Variants in ABCB4 observed in about 807,000 individuals in gnomAD.
The protein encoded by ABCB4 is phosphatidylcholine translocator ABCB4.
Under a neutral mutation model 145.7 loss-of-function variants are expected in ABCB4, and 76 were observed. The observed-to-expected ratio is 0.52, with a 90% CI of 0.43 to 0.63. ABCB4 has a LOEUF of 0.63. Ranked by LOEUF, ABCB4 falls within the 30% of genes least tolerant of loss-of-function variation. ABCB4 has a pLI of 0.00. For synonymous variants in ABCB4, 517 were observed against 566.8 expected (o/e 0.91, Z 1.25); for missense variants, 1,234 against 1,553.1 (o/e 0.79, Z 3.45).
At chr7:87,382,911 C>T in the ABCB4 span, among the ~76,000 whole-genome samples, 4 of 152,198 alleles carry the variant, frequency 2.6e-5, no homozygotes, top group African/African-American at 4.8e-5. Flanking sequence ...AGAATAGGAG[C>T]GACATTAATT....
intron 14 of ABCB4, among the ~76,000 whole-genome samples, chr7:87,432,972 G>GCTACAGCAATTAAAATAGTAAAAC (rs1810347100): frequency 6.6e-6 from 1 of 152,114 alleles, no homozygotes; most frequent in South Asian, 2.1e-4. Context: ...CATATAAAAA[G>GCTACAGCAATTAAAATAGTAAAAC]CTACAGCAAT....
intron 15 of ABCB4, among the ~76,000 whole-genome samples, chr7:87,427,269 T>C (rs1809902688): frequency 1.3e-5 from 2 of 150,992 alleles, no homozygotes; most frequent in African/African-American, 2.4e-5. Flanking sequence ...GAAGACTACA[T>C]GGAAACACTA....
chr7:87,395,569 A>T, the ABCB4 span, among the ~76,000 whole-genome samples: 1 of 152,204 alleles, frequency 6.6e-6, no homozygotes, highest in Non-Finnish European at 1.5e-5. Context: ...TTGTCTGTAA[A>T]GCTGTTAACT....
the ABCB4 span, chr7:87,391,759 C>G: frequency 7.0e-6 from 11 of 1,577,306 alleles, no homozygotes; most frequent in Non-Finnish European, 9.4e-6. Context: ...TTTAATTGTT[C>G]TAAAGGAACC....
the ABCB4 span, among the ~76,000 whole-genome samples, chr7:87,380,661 A>G: frequency 6.6e-6 from 1 of 152,228 alleles, no homozygotes; most frequent in Non-Finnish European, 1.5e-5. Context: ...GGAATTTTAT[A>G]TATTTTCTAC....
chr7:87,392,515 G>T, the ABCB4 span: 8 of 1,424,108 alleles, frequency 5.6e-6, no homozygotes, highest in Admixed American at 9.4e-5. Flanking sequence ...TTTTTTTCTA[G>T]TTGGGTTTTG....
chr7:87,426,753 T>G lies in ABCB4; in HGVS notation c.2061A>C (p.Gly687=). ...ATTTAAGTGAAAAACAACTTACAAG[T>G]CCATCGGTTTCCACATCAAGGCTCT... ...CQKSLDVETD[G]LEANVPPVSF... The change falls in exon 16 of 28, where the codon GGA becomes GGC. Residue 687 remains glycine, a synonymous_variant. Coordinates refer to ENST00000649586, the MANE Select transcript of ABCB4 (RefSeq NM_000443.4). 5 of 1,613,736 alleles carry G rather than the reference T, an allele frequency of 3.1e-6. No homozygotes were observed. Among genetic ancestry groups the G allele is most frequent in the Non-Finnish European group, 4.2e-6 (5 of 1,179,686 alleles).
intron 3 of ABCB4, among the ~76,000 whole-genome samples, chr7:87,465,312 G>A (rs1812788760): frequency 6.6e-6 from 1 of 152,218 alleles, no homozygotes; most frequent in Non-Finnish European, 1.5e-5. Flanking sequence ...CTGCAAGGTG[G>A]CAGCGAGGCT....
Position 87,439,844 on chromosome 7 carries a change from C to G in ABCB4, c.1561-7G>C. On this transcript the variant is annotated splice_polypyrimidine_tract_variant and splice_region_variant and intron_variant, in intron 13 of 27. Coordinates refer to ENST00000649586, the MANE Select transcript of ABCB4 (RefSeq NM_000443.4). ...CAACCAGGGTGTCAAATTTCTAACA[C>G]AGAAAACATGGATCAGCTCTTGAAG... 1 of 1,614,126 alleles carries G rather than the reference C, an allele frequency of 6.2e-7. No individual in the cohort carries two copies. Among genetic ancestry groups the G allele is most frequent in the Non-Finnish European group, 8.5e-7 (1 of 1,180,016 alleles).
chr7:87,427,272 A>C (rs755030809), intron 15 of ABCB4, among the ~76,000 whole-genome samples: 13 of 152,064 alleles, frequency 8.5e-5, no homozygotes, highest in Non-Finnish European at 1.5e-4. Context: ...GACTACATGG[A>C]AACACTAACA....
At chr7:87,380,569 T>A in the ABCB4 span, among the ~76,000 whole-genome samples, 1 of 152,196 alleles carries the variant, frequency 6.6e-6, no homozygotes, top group Non-Finnish European at 1.5e-5. Context: ...TTAAACACTA[T>A]GTAAATACAT....
intron 25 of ABCB4, among the ~76,000 whole-genome samples, chr7:87,407,550 C>T (rs1808289400): frequency 6.6e-6 from 1 of 152,186 alleles, no homozygotes; most frequent in Non-Finnish European, 1.5e-5. Context: ...CACGGGGCTA[C>T]ATGCTAGAAA....
At chr7:87,471,599 C>T (rs1343842898) in intron 3 of ABCB4, among the ~76,000 whole-genome samples, 1 of 152,084 alleles carries the variant, frequency 6.6e-6, no homozygotes, top group Non-Finnish European at 1.5e-5. Flanking sequence ...TCTTTTTATC[C>T]ATTTAATTAC....
chr7:87,391,280 T>C, the ABCB4 span, among the ~76,000 whole-genome samples: 1 of 152,228 alleles, frequency 6.6e-6, no homozygotes, highest in Non-Finnish European at 1.5e-5. Context: ...AGTCACTGTC[T>C]AGCCTGCGCT....
rs1811836045 is a variant in ABCB4 at position 87,452,809 on chromosome 7, G to A, written c.536+135C>T. The A allele has an allele frequency of 6.9e-6, 7 of 1,021,540 alleles. No homozygotes were observed. In the East Asian group the frequency reaches 1.5e-4, roughly 23 times the overall value. The allele number at this position is 1,021,540 out of a possible 1,614,324, so 63.3% of individuals were successfully genotyped here. On this transcript the variant is annotated intron_variant, in intron 6 of 27. Transcript: ENST00000649586. The stretch of plus-strand genomic sequence containing the variant: ...TAGGCTATAGATGCTGCTAGACATG[G>A]CTGCCAGATGATCGATTTCTAATAT...
intron 3 of ABCB4, among the ~76,000 whole-genome samples, chr7:87,467,790 C>T (rs1046166987): frequency 2.0e-5 from 3 of 152,106 alleles, no homozygotes; most frequent in African/African-American, 7.2e-5. Context: ...TGCTCCTGAA[C>T]GACTACTGGG....
intron 22 of ABCB4, among the ~76,000 whole-genome samples, chr7:87,413,292 C>A (rs912673989): frequency 5.9e-5 from 9 of 152,226 alleles, no homozygotes; most frequent in African/African-American, 1.9e-4. Context: ...AAGGTTTGAG[C>A]AATTCCTTAA....
In ABCB4 at chr7:87,449,981, T is replaced by G; in HGVS notation, c.820A>C (p.Lys274Gln). 6.2e-7 allele frequency: 1 copy of G among 1,614,160 alleles called. No homozygotes were observed. Among genetic ancestry groups the G allele is most frequent in the Non-Finnish European group, 8.5e-7 (1 of 1,180,016 alleles). The part of the protein sequence containing the change: ...RTVIAFGGQN[K>Q]ELERYQKHLE... ...AACCTTCCTGACCTTTCCAGCTCTTTGTTCTGGCCCCCGAAAGCTATCACA... is the reference window on the plus strand; with the variant it reads ...AACCTTCCTGACCTTTCCAGCTCTTGGTTCTGGCCCCCGAAAGCTATCACA... The change falls in exon 8 of 28, where the codon AAA becomes CAA. Residue 274 changes from lysine (K) to glutamine (Q), a missense_variant. By Grantham distance (53) the Lys-to-Gln change is moderately conservative. Coordinates refer to ENST00000649586, the MANE Select transcript of ABCB4 (RefSeq NM_000443.4).
At position 87,417,535 on chromosome 7, in the gene ABCB4, A is replaced by C. The variant is rs776331600; in HGVS notation, c.2479-20T>G. On this transcript the variant is annotated intron_variant, in intron 20 of 27. Coordinates refer to ENST00000649586, the MANE Select transcript of ABCB4 (RefSeq NM_000443.4). Reference sequence around the variant, plus strand: ...TGTGGCCTGGGAGAGAAAAAGCACAAAGCAACTGTAGTTTTAAGCTCCAAA... The same window carrying C: ...TGTGGCCTGGGAGAGAAAAAGCACACAGCAACTGTAGTTTTAAGCTCCAAA... The C allele has an allele frequency of 1.6e-5, 26 of 1,609,210 alleles. No homozygotes were observed. The East Asian group carries it at 5.1e-4, about 32-fold the overall frequency.
Sources: gnomAD v4.1 joint callset for allele counts (sites outside exome capture counted in the v4.1 genomes callset) on GRCh38, gnomAD v4.1.1 for gene constraint, MANE v1.5 for transcripts, NCBI Gene and HGNC (gene_info 2026-07-23, HGNC 2026-07-21) for gene names.